Variants in PWWP3B observed in about 807,000 individuals in gnomAD.
The protein encoded by PWWP3B is PWWP domain-containing DNA repair factor 3B.
A neutral mutation model predicts 15.7 loss-of-function variants in PWWP3B; 5 were observed. That is an observed-to-expected ratio of 0.32 (90% CI 0.17 to 0.67). The LOEUF (loss-of-function observed/expected upper bound fraction) is 0.67. Ranked by LOEUF, PWWP3B falls within the 30% of genes least tolerant of loss-of-function variation. The pLI, the probability that PWWP3B is intolerant of heterozygous loss-of-function variation, is 0.74. For missense variants in PWWP3B, 519 were observed against 493.1 expected, an observed-to-expected ratio of 1.05 and a Z score of -0.50; for synonymous variants, 203 against 179.8, an observed-to-expected ratio of 1.13 and a Z score of -1.03.
At chrX:106,203,320 A>G (rs1443399273) in intron 2 of PWWP3B, among the ~76,000 whole-genome samples, 1 of 112,009 alleles carries the variant, frequency 8.9e-6, no homozygotes, top group Non-Finnish European at 1.9e-5. Context: ...TGAAGACATT[A>G]TGATCTGGTT....
In PWWP3B at chrX:106,205,836, G is replaced by A. The variant is rs368665440; in HGVS notation, c.404G>A (p.Arg135Gln). The A allele has an allele frequency of 6.5e-5, 79 of 1,209,522 alleles. No individual in the cohort carries two copies. The highest frequency in any genetic ancestry group is 1.6e-4 in the South Asian group (9 of 56,739). Residue 135 changes from arginine (R) to glutamine (Q), a missense_variant, in exon 4 of 4, where the codon CGG becomes CAG. Transcript: ENST00000357175. ...GATTCACCCCCTCATAAAAAATACC[G>A]GAAGGATGAAGGTGACTTACCAGGG... Reference protein sequence around the residue: ...QSDSPPHKKYRKDEGDLPGCL... With the variant: ...QSDSPPHKKYQKDEGDLPGCL...
At chrX:106,186,601 G>C (rs1015560593) in intron 2 of PWWP3B, among the ~76,000 whole-genome samples, 2 of 111,041 alleles carry the variant, frequency 1.8e-5, no homozygotes, top group Admixed American at 9.6e-5. Flanking sequence ...GTGGGTTCCT[G>C]GTCTCACTGA....
chrX:106,185,765 G>A (rs941237494), intron 2 of PWWP3B, among the ~76,000 whole-genome samples: 5 of 112,234 alleles, frequency 4.5e-5, no homozygotes, highest in African/African-American at 1.6e-4. Flanking sequence ...GCCATGCCCT[G>A]AGGGAGGGAA....
intron 2 of PWWP3B, among the ~76,000 whole-genome samples, chrX:106,199,079 C>T (rs1278926781): frequency 6.1e-5 from 6 of 99,068 alleles, no homozygotes; most frequent in African/African-American, 1.5e-4. Context: ...GACAGAGTCT[C>T]GCTTTGTCGC....
At chrX:106,171,563 C>T (rs1181681454) in intron 2 of PWWP3B, among the ~76,000 whole-genome samples, 1 of 111,330 alleles carries the variant, frequency 9.0e-6, no homozygotes, top group Non-Finnish European at 1.9e-5. Flanking sequence ...TACAGTCATG[C>T]ATGGCTTAAC....
chrX:106,182,746 G>T (rs1469528928), intron 2 of PWWP3B, among the ~76,000 whole-genome samples: 1 of 110,546 alleles, frequency 9.0e-6, no homozygotes, highest in Admixed American at 9.7e-5. Flanking sequence ...GGGGTCTGGG[G>T]TGAATGGTCA....
intron 2 of PWWP3B, among the ~76,000 whole-genome samples, chrX:106,197,265 G>A (rs1923435342): frequency 8.9e-6 from 1 of 111,753 alleles, no homozygotes; most frequent in Admixed American, 9.5e-5. Flanking sequence ...TCCCTCCAGG[G>A]CAGAGGTTTT....
Position 106,207,490 on chromosome X carries a change from G to A in PWWP3B, c.2058G>A (p.Lys686=). 6 of 1,147,881 alleles carry A rather than the reference G, an allele frequency of 5.2e-6. No individual in the cohort carries two copies. Among genetic ancestry groups the A allele is most frequent in the Non-Finnish European group, 6.9e-6 (6 of 865,471 alleles). The allele number at this position is 1,147,881 out of a possible 1,213,427, so 94.6% of individuals were successfully genotyped here. Residue 686 remains lysine, a synonymous_variant, in exon 4 of 4, where the codon AAG becomes AAA. Coordinates refer to ENST00000357175, the MANE Select transcript of PWWP3B (RefSeq NM_001171020.2). The stretch of plus-strand genomic sequence containing the variant: ...TTGATGCAAAAATAATATATGAAAA[G>A]AGACGAAAAGCACCAACAAATGAAG... ...ELFDAKIIYE[K]RRKAPTNEAH
chrX:106,187,899 C>T (rs1239373779), intron 2 of PWWP3B, among the ~76,000 whole-genome samples: 3 of 111,831 alleles, frequency 2.7e-5, no homozygotes, highest in Non-Finnish European at 5.6e-5. Context: ...ACTCTGTTTC[C>T]CTGTCATACG....
chrX:106,185,839 G>T (rs1922475890), intron 2 of PWWP3B, among the ~76,000 whole-genome samples: 1 of 111,853 alleles, frequency 8.9e-6, no homozygotes, highest in Non-Finnish European at 1.9e-5. Context: ...GAATAGGAAG[G>T]ATATAATTTC....
intron 2 of PWWP3B, among the ~76,000 whole-genome samples, chrX:106,203,520 A>T (rs1030618483): frequency 2.7e-5 from 3 of 111,893 alleles, no homozygotes; most frequent in African/African-American, 9.8e-5. Flanking sequence ...GATTTTCTAA[A>T]TTTTTTCCAG....
At chrX:106,188,819 A>C (rs897011047) in intron 2 of PWWP3B, among the ~76,000 whole-genome samples, 13 of 112,561 alleles carry the variant, frequency 1.2e-4, no homozygotes, top group Non-Finnish European at 2.1e-4. Context: ...TAAAATATTC[A>C]CCAATGTTGT....
rs746190201 is a variant in PWWP3B at position 106,207,148 on chromosome X, C to A, written c.1716C>A (p.Ala572=). Reference sequence around the variant, plus strand: ...AGGGAACAGAGAACCATCTTCTGGCCATTGTAAATGGCACAAAAGGATCCA... The same window carrying A: ...AGGGAACAGAGAACCATCTTCTGGCAATTGTAAATGGCACAAAAGGATCCA... The part of the protein sequence containing the change: ...NAKGTENHLL[A]IVNGTKGSRW... The change falls in exon 4 of 4, where the codon GCC becomes GCA. Residue 572 remains alanine (A), a synonymous_variant. Coordinates refer to ENST00000357175, the MANE Select transcript of PWWP3B (RefSeq NM_001171020.2). 1 of 1,206,265 alleles carries A rather than the reference C, an allele frequency of 8.3e-7. No homozygotes were observed. Among genetic ancestry groups the A allele is most frequent in the South Asian group, 1.8e-5 (1 of 55,988 alleles).
In PWWP3B at chrX:106,198,276, A is replaced by G. The variant is rs1455339898; in HGVS notation, c.-400-5709A>G. 3.6e-5 allele frequency among the ~76,000 whole-genome samples: 4 copies of G among 111,247 alleles called. No homozygotes were observed. In the Admixed American group the frequency reaches 3.8e-4, roughly 11 times the overall value. On this transcript the variant is annotated intron_variant, in intron 2 of 3. Coordinates refer to ENST00000357175, the MANE Select transcript of PWWP3B (RefSeq NM_001171020.2). ...AGCCACACCCTTCCCCACCTGTAAC[A>G]CCTGGCAACACTGATCTTTTCACCA...
At chrX:106,188,651 C>T (rs994492583) in intron 2 of PWWP3B, among the ~76,000 whole-genome samples, 3 of 112,359 alleles carry the variant, frequency 2.7e-5, no homozygotes, top group African/African-American at 9.7e-5. Flanking sequence ...AAAATGTTCC[C>T]TCCTGCCCCA....
At chrX:106,198,586 T>TTATTATATC (rs1317807831) in intron 2 of PWWP3B, among the ~76,000 whole-genome samples, 1 of 111,803 alleles carries the variant, frequency 8.9e-6, no homozygotes, top group Non-Finnish European at 1.9e-5. Context: ...GTATTAGATA[T>TTATTATATC]TATTATATCT....
Position 106,205,407 on chromosome X carries a change from C to T in PWWP3B, c.-26C>T, listed in dbSNP as rs772855467. 30 of 1,107,548 alleles carry T rather than the reference C, an allele frequency of 2.7e-5. No homozygotes were observed. The highest frequency in any genetic ancestry group is 3.3e-5 in the Non-Finnish European group (28 of 845,201). 91.3% of individuals were successfully genotyped at this position (1,107,548 alleles called of 1,213,427 possible). The stretch of plus-strand genomic sequence containing the variant: ...TAGCCACCTCAACCTTTGGTAATAA[C>T]CCTTGGCACACAAATATAAACCATA... On this transcript the variant is annotated 5_prime_UTR_variant, in exon 4 of 4. Coordinates refer to ENST00000357175, the MANE Select transcript of PWWP3B (RefSeq NM_001171020.2).
intron 2 of PWWP3B, among the ~76,000 whole-genome samples, chrX:106,193,156 A>T (rs1250092172): frequency 9.0e-6 from 1 of 111,095 alleles, no homozygotes; most frequent in Non-Finnish European, 1.9e-5. Flanking sequence ...GTCTCCCATT[A>T]TTATTGTGTG....
intron 2 of PWWP3B, among the ~76,000 whole-genome samples, chrX:106,193,247 G>T (rs2147619136): frequency 9.0e-6 from 1 of 111,368 alleles, no homozygotes; most frequent in South Asian, 3.8e-4. Flanking sequence ...TATATATTTA[G>T]GATAGTTAGC....
Sources: gnomAD v4.1 joint callset for allele counts (sites outside exome capture counted in the v4.1 genomes callset) on GRCh38, gnomAD v4.1.1 for gene constraint, MANE v1.5 for transcripts, NCBI Gene and HGNC (gene_info 2026-07-23, HGNC 2026-07-21) for gene names.